The following XPNPEP3 variants were observed in gnomAD, a reference collection of about 807,000 sequenced individuals.
XPNPEP3 encodes xaa-Pro aminopeptidase 3.
A neutral mutation model predicts 60.0 loss-of-function variants in XPNPEP3; 41 were observed. That is an observed-to-expected ratio of 0.68 (90% CI 0.53 to 0.89). The LOEUF (loss-of-function observed/expected upper bound fraction) is 0.89, where lower values mean the gene tolerates loss of function less well. Among genes scored for constraint, XPNPEP3 ranks in the 40% least tolerant of loss-of-function variants. The pLI, the probability that XPNPEP3 is intolerant of heterozygous loss-of-function variation, is 0.00. For missense variants in XPNPEP3, 598 were observed against 638.9 expected (o/e 0.94, Z 0.69); for synonymous variants, 212 against 223.2 (o/e 0.95, Z 0.45).
chr22:40,862,303 A>G, intron 1 of XPNPEP3: 2 of 1,054,598 alleles, frequency 1.9e-6, no homozygotes, highest in Non-Finnish European at 2.3e-6. Context: ...TTTCCCCTGT[A>G]TGTTTCCCTG....
intron 1 of XPNPEP3, among the ~76,000 whole-genome samples, chr22:40,866,138 T>G (rs1280840663): frequency 1.3e-5 from 2 of 152,168 alleles, no homozygotes; most frequent in South Asian, 4.1e-4. Context: ...AGAATTATTC[T>G]TAATTCCTCT....
At chr22:40,907,373 A>T (rs547828887) in intron 4 of XPNPEP3, among the ~76,000 whole-genome samples, 2 of 152,234 alleles carry the variant, frequency 1.3e-5, no homozygotes, top group African/African-American at 2.4e-5. Flanking sequence ...GTGAGCCGAG[A>T]TCGCGCCACT....
At chr22:40,858,035 G>C (rs753978207) in intron 1 of XPNPEP3, among the ~76,000 whole-genome samples, 21 of 152,192 alleles carry the variant, frequency 1.4e-4, no homozygotes, top group Admixed American at 4.6e-4. Context: ...CACAGAACTT[G>C]TTCTTCAGTT....
rs764777292 is a variant in XPNPEP3, at chr22:40,869,004, ATGTT to A, written c.71_74del (p.Met24SerfsTer22). The stretch of plus-strand genomic sequence containing the variant: ...TCTCTTTATTCTTCATTCAGGATGT[ATGTT>A]GTGTTCACAGCGAAGGTACTCCCTT... On this transcript the variant is annotated frameshift_variant, in exon 2 of 10. Transcript: ENST00000357137. LOFTEE classifies it high-confidence loss of function. The A allele has an allele frequency of 2.5e-6, 4 of 1,612,262 alleles. No individual in the cohort carries two copies. The highest frequency in any genetic ancestry group is 3.4e-6 in the Non-Finnish European group (4 of 1,178,442).
At chr22:40,896,019 C>T (rs886915987) in intron 4 of XPNPEP3, among the ~76,000 whole-genome samples, 3 of 152,180 alleles carry the variant, frequency 2.0e-5, no homozygotes, top group African/African-American at 7.2e-5. Flanking sequence ...TATTAAAACA[C>T]AGCATTTTGA....
intron 1 of XPNPEP3, chr22:40,861,648 A>C (rs766819739): frequency 7.2e-5 from 117 of 1,614,010 alleles, no homozygotes; most frequent in Non-Finnish European, 9.2e-5. Flanking sequence ...CAGGTCCTCA[A>C]GCGAGTCTTC....
intron 1 of XPNPEP3, chr22:40,859,919 A>G (rs1158272612): frequency 1.3e-5 from 2 of 152,206 alleles, no homozygotes; most frequent in Non-Finnish European, 1.5e-5. Context: ...TTTTGTGTAC[A>G]AACTCTAAAC....
chr22:40,879,247 C>T (rs557791402), intron 2 of XPNPEP3, among the ~76,000 whole-genome samples: 4 of 152,274 alleles, frequency 2.6e-5, no homozygotes, highest in East Asian at 3.9e-4. Flanking sequence ...CACATTGGCC[C>T]GTAAGGCCTC....
chr22:40,874,198 G>A (rs537135668), intron 2 of XPNPEP3, among the ~76,000 whole-genome samples: 49 of 152,236 alleles, frequency 3.2e-4, no homozygotes, highest in Admixed American at 2.7e-3. Context: ...GGTCAAGGCC[G>A]TAGTGAGCCA....
In XPNPEP3 at chr22:40,898,414, C is replaced by T. The variant is rs904487418; in HGVS notation, c.793-9173C>T. ...GACTACAGGCGCCCGCCACCGCGCCCGGCTAATTTTTTGTATTTTTAGTAG... is the reference window on the plus strand; with the variant it reads ...GACTACAGGCGCCCGCCACCGCGCCTGGCTAATTTTTTGTATTTTTAGTAG... On this transcript the variant is annotated intron_variant, in intron 4 of 9. Coordinates refer to ENST00000357137, the MANE Select transcript of XPNPEP3 (RefSeq NM_022098.4). Among the ~76,000 whole-genome samples, 21 of 138,376 alleles carry T rather than the reference C, an allele frequency of 1.5e-4. 1 individual carries two copies. The highest frequency in any genetic ancestry group is 2.8e-4 in the African/African-American group (9 of 31,744). 90.8% of individuals were successfully genotyped at this position (138,376 alleles called of 152,430 possible).
At chr22:40,894,383 AT>A (rs1301091226) in intron 4 of XPNPEP3, among the ~76,000 whole-genome samples, 4 of 152,012 alleles carry the variant, frequency 2.6e-5, no homozygotes, top group African/African-American at 9.7e-5. Flanking sequence ...CATTTTTTAA[AT>A]TTTTTTATTT....
chr22:40,913,910 C>G (rs1442877627), intron 6 of XPNPEP3, among the ~76,000 whole-genome samples: 1 of 151,982 alleles, frequency 6.6e-6, no homozygotes, highest in Non-Finnish European at 1.5e-5. Context: ...TTTGGGAGGC[C>G]GAGGCAGGCA....
chr22:40,883,856 G>T (rs1601500197), intron 3 of XPNPEP3, among the ~76,000 whole-genome samples: 2 of 151,936 alleles, frequency 1.3e-5, no homozygotes, highest in African/African-American at 4.8e-5. Context: ...TATCTTATTT[G>T]GAAAATAAGA....
At chr22:40,883,977 TAA>T (rs2058058527) in intron 3 of XPNPEP3, among the ~76,000 whole-genome samples, 1 of 152,220 alleles carries the variant, frequency 6.6e-6, no homozygotes, top group Non-Finnish European at 1.5e-5. Flanking sequence ...AGTTAGCTTC[TAA>T]AAGAGAATTC....
chr22:40,901,757 G>A (rs915195821), intron 4 of XPNPEP3, among the ~76,000 whole-genome samples: 2 of 152,136 alleles, frequency 1.3e-5, no homozygotes, highest in African/African-American at 2.4e-5. Flanking sequence ...GAGCCACTGC[G>A]CCCGGCTATA....
chr22:40,863,689 G>A (rs910227408), intron 1 of XPNPEP3, among the ~76,000 whole-genome samples: 6 of 152,080 alleles, frequency 3.9e-5, no homozygotes, highest in Non-Finnish European at 7.3e-5. Flanking sequence ...CAATAATGTC[G>A]AAAATTATTT....
intron 3 of XPNPEP3, among the ~76,000 whole-genome samples, chr22:40,886,036 C>A (rs1220685212): frequency 6.6e-6 from 1 of 152,062 alleles, no homozygotes; most frequent in Admixed American, 6.6e-5. Flanking sequence ...AAGCTTTAGT[C>A]CCGTATCATC....
rs1165326628 is a variant in XPNPEP3 at position 40,927,999 on chromosome 22, G to A, written c.*1564G>A. On this transcript the variant is annotated 3_prime_UTR_variant, in exon 10 of 10. Coordinates refer to ENST00000357137, the MANE Select transcript of XPNPEP3 (RefSeq NM_022098.4). ...CTTTTAGCTGTTGTGCTGCGCAGGA[G>A]CAGATCCTCTACTTACGTACCCTGT... 2 of 152,074 alleles carry A rather than the reference G, an allele frequency of 1.3e-5. No homozygotes were observed. Among genetic ancestry groups the A allele is most frequent in the East Asian group, 3.9e-4 (2 of 5,190 alleles). The allele number at this position is 152,074 out of a possible 1,614,324, so 9.4% of individuals were successfully genotyped here.
chr22:40,881,954 G>T lies in XPNPEP3; in HGVS notation c.366G>T (p.Leu122=). ...CTTTCCACCAAGACAACAATTTCCT[G>T]TACCTATGTGGATTCCAAGAGCCTG... ...PYTFHQDNNF[L]YLCGFQEPDS... Residue 122 remains leucine (L), a synonymous_variant, in exon 3 of 10, where the codon CTG becomes CTT. Transcript: ENST00000357137. 2 of 1,614,012 alleles carry T rather than the reference G, an allele frequency of 1.2e-6. No individual in the cohort carries two copies. The highest frequency in any genetic ancestry group is 1.7e-6 in the Non-Finnish European group (2 of 1,179,996).
Sources: gnomAD v4.1 joint callset for allele counts (sites outside exome capture counted in the v4.1 genomes callset) on GRCh38, gnomAD v4.1.1 for gene constraint, MANE v1.5 for transcripts, NCBI Gene and HGNC (gene_info 2026-07-23, HGNC 2026-07-21) for gene names.